LRP1B: variants seen among roughly 807,000 people sequenced by gnomAD.
LRP1B encodes LDL receptor related protein 1B.
LRP1B carries 217 observed loss-of-function variants against 556.6 expected under a neutral mutation model. The observed-to-expected ratio is 0.39, with a 90% CI of 0.35 to 0.44. The LOEUF (loss-of-function observed/expected upper bound fraction) is 0.44. Ranked by LOEUF, LRP1B falls within the 20% of genes least tolerant of loss-of-function variation. The pLI is 1.00. For synonymous variants in LRP1B, 2,047 were observed against 1,865.8 expected (o/e 1.10, Z -2.50); for missense variants, 5,053 against 5,620.8 (o/e 0.90, Z 3.23).
intron 2 of LRP1B, among the ~76,000 whole-genome samples, chr2:141,482,633 T>G (rs1028750418): frequency 6.6e-6 from 1 of 151,980 alleles, no homozygotes; most frequent in South Asian, 2.1e-4. Context: ...GTTTATAATA[T>G]TAACATAAAT....
chr2:141,940,832 G>T lies in LRP1B; in HGVS notation c.83-130431C>A, dbSNP rs143622696. Among the ~76,000 whole-genome samples, 93 of 152,224 alleles carry T rather than the reference G, an allele frequency of 6.1e-4. No homozygotes were observed. The East Asian group carries it at 0.01, about 16-fold the overall frequency. ...GACAAAGAATTTAAGAACTGTAAAA[G>T]ACCTTAGGGATAATCTCTTTTAATC... On this transcript the variant is annotated intron_variant, in intron 1 of 90. Coordinates refer to ENST00000389484, the MANE Select transcript of LRP1B (RefSeq NM_018557.3).
chr2:140,644,505 C>A (rs1317454659), intron 41 of LRP1B, among the ~76,000 whole-genome samples: 1 of 151,034 alleles, frequency 6.6e-6, no homozygotes, highest in African/African-American at 2.4e-5. Context: ...CTCACACAAT[C>A]CTCCCACCTC....
intron 1 of LRP1B, among the ~76,000 whole-genome samples, chr2:141,923,328 G>A (rs1558964062): frequency 6.8e-6 from 1 of 146,350 alleles, no homozygotes; most frequent in Non-Finnish European, 1.5e-5. Context: ...AAGGGGACTG[G>A]TCCCTATATC....
chr2:141,622,198 C>A (rs1164297012), intron 2 of LRP1B, among the ~76,000 whole-genome samples: 1 of 152,044 alleles, frequency 6.6e-6, no homozygotes, highest in Non-Finnish European at 1.5e-5. Context: ...GCTCATTACT[C>A]TCATTTTATA....
In LRP1B at chr2:140,234,777, T is replaced by C. The variant is rs1353278801; in HGVS notation, c.13659+9A>G. ...AACGGACATGAAATAACGAATATTC[T>C]TCTCTCACCCCAGCAGTTAGTGGTC... On this transcript the variant is annotated intron_variant, in intron 90 of 90. Transcript: ENST00000389484. 4.1e-5 allele frequency: 32 copies of C among 772,276 alleles called. No individual in the cohort carries two copies. Among genetic ancestry groups the C allele is most frequent in the Non-Finnish European group, 6.5e-5 (27 of 413,276 alleles). The allele number at this position is 772,276 out of a possible 1,614,324, so 47.8% of individuals were successfully genotyped here.
intron 2 of LRP1B, among the ~76,000 whole-genome samples, chr2:141,574,806 T>G (rs13010379): frequency 0.079 from 12,036 of 151,834 alleles, 561 homozygotes; most frequent in South Asian, 0.14. Context: ...TCTTTTACAC[T>G]AACAATAGGC....
intron 3 of LRP1B, among the ~76,000 whole-genome samples, chr2:141,316,066 A>G (rs780475438): frequency 3.3e-5 from 5 of 152,026 alleles, no homozygotes; most frequent in Admixed American, 6.6e-5. Context: ...TTTTCAGGGA[A>G]TTTGAACAAG....
At chr2:141,203,366 GA>G (rs568207665) in intron 6 of LRP1B, among the ~76,000 whole-genome samples, 91 of 138,946 alleles carry the variant, frequency 6.5e-4, no homozygotes, top group Middle Eastern at 3.6e-3. Flanking sequence ...GAATGGAAAG[GA>G]AAAAAAAAAA....
At chr2:141,630,777 C>G (rs2105348986) in intron 2 of LRP1B, among the ~76,000 whole-genome samples, 1 of 152,330 alleles carries the variant, frequency 6.6e-6, no homozygotes, top group African/African-American at 2.4e-5. Context: ...TGTCTTAAGT[C>G]ATGTTTGAAT....
intron 3 of LRP1B, among the ~76,000 whole-genome samples, chr2:141,471,276 T>TTTTGTTTTTG (rs1553518985): frequency 1.8e-4 from 8 of 44,338 alleles, no homozygotes; most frequent in East Asian, 9.9e-4. Context: ...GTATTTTTTT[T>TTTTGTTTTTG]TTTTTTTTTT....
intron 41 of LRP1B, among the ~76,000 whole-genome samples, chr2:140,671,573 G>T (rs1019246524): frequency 2.6e-5 from 4 of 152,158 alleles, no homozygotes; most frequent in African/African-American, 9.7e-5. Context: ...CCAGTTTCCA[G>T]GGAACATGCA....
intron 3 of LRP1B, among the ~76,000 whole-genome samples, chr2:141,441,690 A>C (rs911097869): frequency 1.3e-5 from 2 of 152,226 alleles, no homozygotes; most frequent in Non-Finnish European, 2.9e-5. Flanking sequence ...TGCATAGAAT[A>C]ATTACCCAGG....
At chr2:141,506,074 A>C (rs1391824568) in intron 2 of LRP1B, among the ~76,000 whole-genome samples, 1 of 152,054 alleles carries the variant, frequency 6.6e-6, no homozygotes. Flanking sequence ...TCATTAGACA[A>C]ACGAGAGGAG....
rs1694848076 is a variant in LRP1B, at chr2:140,925,057, G to A, written c.3137-1910C>T. Among the ~76,000 whole-genome samples the A allele has an allele frequency of 2.0e-5, 3 of 152,022 alleles. No individual in the cohort carries two copies. The South Asian group carries it at 6.2e-4, about 32-fold the overall frequency. The stretch of plus-strand genomic sequence containing the variant: ...AGTATAACTATATCATATTTACATT[G>A]TATTAGGTATTATACATAATACAGA... On this transcript the variant is annotated intron_variant, in intron 20 of 90. Transcript: ENST00000389484.
At chr2:141,507,031 AG>A (rs1309105200) in intron 2 of LRP1B, among the ~76,000 whole-genome samples, 1 of 152,150 alleles carries the variant, frequency 6.6e-6, no homozygotes, top group Non-Finnish European at 1.5e-5. Context: ...CTTCTACAGA[AG>A]GTGTTTGATT....
intron 2 of LRP1B, among the ~76,000 whole-genome samples, chr2:141,494,787 T>G (rs1683457534): frequency 7.0e-6 from 1 of 142,674 alleles, no homozygotes; most frequent in African/African-American, 2.6e-5. Context: ...TTATTTAGAG[T>G]AAAAGAAGAA....
intron 6 of LRP1B, among the ~76,000 whole-genome samples, chr2:141,228,937 T>A (rs1308966057): frequency 1.3e-5 from 2 of 152,168 alleles, no homozygotes; most frequent in Non-Finnish European, 2.9e-5. Flanking sequence ...GGTGACACTG[T>A]AAAAAGCCTT....
chr2:141,028,158 T>G (rs1038297006), intron 11 of LRP1B, among the ~76,000 whole-genome samples: 5 of 151,976 alleles, frequency 3.3e-5, no homozygotes, highest in African/African-American at 1.2e-4. Context: ...TTTTATATAA[T>G]AGAAGATATC....
intron 83 of LRP1B, among the ~76,000 whole-genome samples, chr2:140,311,265 A>G (rs1229587263): frequency 6.6e-6 from 1 of 151,914 alleles, no homozygotes; most frequent in Non-Finnish European, 1.5e-5. Context: ...CAGGAAAAAT[A>G]TGCAGTCAAC....
Sources: allele counts gnomAD v4.1 joint callset (sites outside exome capture counted in the v4.1 genomes callset), GRCh38; gene constraint gnomAD v4.1.1; transcripts MANE v1.5; gene names NCBI Gene and HGNC (gene_info 2026-07-23, HGNC 2026-07-21).